CNTN4: variants seen among roughly 807,000 people sequenced by gnomAD.
The protein encoded by CNTN4 is contactin-4.
Under a neutral mutation model 122.5 loss-of-function variants are expected in CNTN4, and 77 were observed. That is an observed-to-expected ratio of 0.63 (90% confidence interval 0.52 to 0.76). The LOEUF (loss-of-function observed/expected upper bound fraction) is 0.76. Among genes scored for constraint, CNTN4 ranks in the 30% least tolerant of loss-of-function variants. The probability of loss-of-function intolerance (pLI) is 0.00; values close to 1 mark genes in which losing one functional copy is unlikely to be tolerated. For missense variants in CNTN4, 1,256 were observed against 1,259.1 expected (o/e 1.00, Z 0.04); for synonymous variants, 512 against 447.0 (o/e 1.15, Z -1.83).
In CNTN4 at chr3:2,379,330, C is replaced by A. The variant is rs188647721; in HGVS notation, c.-89+40097C>A. On this transcript the variant is annotated intron_variant, in intron 3 of 24. Transcript: ENST00000418658. ...GGTTACCAATATGATTAAAATTCTT[C>A]AAGAAGCATGCAGATCTGCCTATTA... Among the ~76,000 whole-genome samples the A allele has an allele frequency of 5.1e-3, 779 of 151,284 alleles. 10 individuals are homozygous for A. The highest frequency in any genetic ancestry group is 0.018 in the African/African-American group (745 of 41,214).
chr3:2,840,888 GC>G (rs1487457687), intron 7 of CNTN4, among the ~76,000 whole-genome samples: 1 of 152,070 alleles, frequency 6.6e-6, no homozygotes, highest in East Asian at 1.9e-4. Flanking sequence ...TGAAAGGCTT[GC>G]ATAAGGTCAC....
At chr3:2,920,754 GTAT>G (rs2094420817) in intron 12 of CNTN4, among the ~76,000 whole-genome samples, 1 of 152,026 alleles carries the variant, frequency 6.6e-6, no homozygotes, top group Non-Finnish European at 1.5e-5. Context: ...TTCAATACAT[GTAT>G]TATTTTATTT....
chr3:2,466,946 TTTTCTTTCTTTC>T (rs902151070), intron 3 of CNTN4, among the ~76,000 whole-genome samples: 4 of 148,548 alleles, frequency 2.7e-5, no homozygotes, highest in African/African-American at 1.0e-4. Context: ...AAATTAGTTT[TTTTCTTTCTTTC>T]TTTCTTTCTT....
At chr3:2,625,306 A>G (rs1479548) in intron 4 of CNTN4, among the ~76,000 whole-genome samples, 22,160 of 152,200 alleles carry the variant, frequency 0.15, 1,875 homozygotes, top group Admixed American at 0.22. Context: ...GATGGCTTGT[A>G]TATTCTATTC....
intron 2 of CNTN4, among the ~76,000 whole-genome samples, chr3:2,128,133 G>C (rs2034269278): frequency 6.6e-6 from 1 of 152,154 alleles, no homozygotes; most frequent in Non-Finnish European, 1.5e-5. Context: ...TATACAGTCA[G>C]GGCTTTATCT....
chr3:2,805,482 T>C (rs2092444146), intron 6 of CNTN4, among the ~76,000 whole-genome samples: 1 of 152,178 alleles, frequency 6.6e-6, no homozygotes, highest in African/African-American at 2.4e-5. Context: ...TGTAGCTGGA[T>C]ATTAGCTTGG....
At chr3:2,168,453 G>A (rs1437578030) in intron 2 of CNTN4, among the ~76,000 whole-genome samples, 1 of 151,834 alleles carries the variant, frequency 6.6e-6, no homozygotes, top group South Asian at 2.1e-4. Flanking sequence ...GTGGTCAGAT[G>A]TTTACTGAGA....
chr3:2,656,503 A>G (rs2083597138), intron 4 of CNTN4, among the ~76,000 whole-genome samples: 1 of 152,232 alleles, frequency 6.6e-6, no homozygotes, highest in African/African-American at 2.4e-5. Context: ...AAATTCCATG[A>G]AGACAGCAAC....
rs559383860 is a variant in CNTN4 at position 2,742,632 on chromosome 3, G to C, written c.183-2890G>C. ...CAGAGTGTCACAGCATCGGTGTTTGGTTGTGCACAACCCCACTCTCTGGAG... is the reference window on the plus strand; with the variant it reads ...CAGAGTGTCACAGCATCGGTGTTTGCTTGTGCACAACCCCACTCTCTGGAG... On this transcript the variant is annotated intron_variant, in intron 5 of 24. Coordinates refer to ENST00000418658, the MANE Select transcript of CNTN4 (RefSeq NM_175607.3). Among the ~76,000 whole-genome samples, 7 of 152,232 alleles carry C rather than the reference G, an allele frequency of 4.6e-5. No homozygotes were observed. The South Asian group carries it at 1.2e-3, about 27-fold the overall frequency.
chr3:2,339,769 C>G (rs1399160290), intron 3 of CNTN4, among the ~76,000 whole-genome samples: 1 of 152,076 alleles, frequency 6.6e-6, no homozygotes, highest in Non-Finnish European at 1.5e-5. Context: ...GTTTTACTTT[C>G]CTGATGCTGA....
At chr3:2,433,948 T>A (rs77804657) in intron 3 of CNTN4, among the ~76,000 whole-genome samples, 1,951 of 152,242 alleles carry the variant, frequency 0.013, 39 homozygotes, top group South Asian at 0.068. Context: ...ATGTGGAATT[T>A]TACAAAGTTG....
chr3:2,471,604 T>A (rs1276973644), intron 3 of CNTN4, among the ~76,000 whole-genome samples: 1 of 152,206 alleles, frequency 6.6e-6, no homozygotes, highest in East Asian at 1.9e-4. Context: ...CCTCCATAAA[T>A]GTTAAACTTG....
At chr3:2,420,240 A>G (rs2047564796) in intron 3 of CNTN4, among the ~76,000 whole-genome samples, 1 of 152,118 alleles carries the variant, frequency 6.6e-6, no homozygotes, top group Non-Finnish European at 1.5e-5. Context: ...CACTGCTTAT[A>G]TGCACAAGTG....
intron 3 of CNTN4, among the ~76,000 whole-genome samples, chr3:2,432,814 C>CTT (rs5846183): frequency 0.88 from 124,616 of 141,606 alleles, 55,383 homozygotes; most frequent in East Asian, 0.94. Context: ...ACACTAACTG[C>CTT]TTTTTTTTTT....
rs199530465 is a variant in CNTN4 at position 2,887,565 on chromosome 3, CT to C, written c.940+352del. On this transcript the variant is annotated intron_variant, in intron 10 of 24. Transcript: ENST00000418658. ...TTTATTATTCCTACTCCTGATTTAT[CT>C]TTTTTTTTTTAAGCTCTGTGCTTTT... 1.9e-3 allele frequency among the ~76,000 whole-genome samples: 276 copies of C among 146,800 alleles called. 1 individual carries two copies. The highest frequency in any genetic ancestry group is 7.7e-3 in the East Asian group (39 of 5,048).
chr3:2,120,382 T>TAA (rs2033661425), intron 2 of CNTN4, among the ~76,000 whole-genome samples: 1 of 27,350 alleles, frequency 3.7e-5, no homozygotes, highest in South Asian at 9.6e-4. Context: ...TAAATATATA[T>TAA]ATATATATAT....
chr3:2,867,806 G>T (rs749922897), intron 8 of CNTN4, among the ~76,000 whole-genome samples: 39 of 151,918 alleles, frequency 2.6e-4, no homozygotes, highest in Non-Finnish European at 3.8e-4. Context: ...TCATAATTCT[G>T]CATCACAGTT....
intron 7 of CNTN4, among the ~76,000 whole-genome samples, chr3:2,827,815 G>C (rs975124344): frequency 6.6e-6 from 1 of 152,164 alleles, no homozygotes; most frequent in Non-Finnish European, 1.5e-5. Flanking sequence ...GGTAGACTTA[G>C]GCGGATGCAG....
intron 3 of CNTN4, among the ~76,000 whole-genome samples, chr3:2,427,557 G>T (rs955915343): frequency 6.6e-6 from 1 of 152,162 alleles, no homozygotes; most frequent in Admixed American, 6.5e-5. Context: ...TGTTGATTTG[G>T]GGTGGAGAGT....
Sources: gnomAD v4.1 joint callset for allele counts (sites outside exome capture counted in the v4.1 genomes callset) on GRCh38, gnomAD v4.1.1 for gene constraint, MANE v1.5 for transcripts, NCBI Gene and HGNC (gene_info 2026-07-23, HGNC 2026-07-21) for gene names.